FGD6: variants seen among roughly 807,000 people sequenced by gnomAD.
FGD6 encodes the protein FYVE, RhoGEF and PH domain containing 6.
In FGD6, 90 loss-of-function variants were observed where a neutral mutation model predicts 149.4. The ratio of observed to expected loss-of-function variants is 0.60; its 90% CI spans 0.51 to 0.72. FGD6 has a LOEUF of 0.72. Among genes scored for constraint, FGD6 ranks in the 30% least tolerant of loss-of-function variants. The pLI is 0.00. For synonymous variants in FGD6, 527 were observed against 584.0 expected, an observed-to-expected ratio of 0.90 and a Z score of 1.41; for missense variants, 1,437 against 1,684.8, an observed-to-expected ratio of 0.85 and a Z score of 2.57.
intron 2 of FGD6, among the ~76,000 whole-genome samples, chr12:95,197,841 CA>C (rs1466673238): frequency 9.2e-5 from 14 of 152,184 alleles, no homozygotes; most frequent in African/African-American, 3.4e-4. Context: ...TGACAGGAAT[CA>C]TATTTAACTT....
chr12:95,095,155 T>C (rs960874212), intron 14 of FGD6, among the ~76,000 whole-genome samples: 4 of 152,220 alleles, frequency 2.6e-5, no homozygotes, highest in African/African-American at 9.6e-5. Context: ...TAAAATTTTC[T>C]AGGAAGGGCA....
At chr12:95,103,960 C>T (rs1396338419) in intron 14 of FGD6, among the ~76,000 whole-genome samples, 1 of 152,220 alleles carries the variant, frequency 6.6e-6, no homozygotes, top group Admixed American at 6.5e-5. Flanking sequence ...GGAGATTACA[C>T]CTACCTCATA....
chr12:95,155,698 C>T lies in FGD6; in HGVS notation c.2587-2705G>A, dbSNP rs975402615. 2.6e-5 allele frequency among the ~76,000 whole-genome samples: 4 copies of T among 152,252 alleles called. No individual in the cohort carries two copies. In the East Asian group the frequency reaches 7.7e-4, roughly 29 times the overall value. On this transcript the variant is annotated intron_variant, in intron 3 of 20. Transcript: ENST00000343958. The stretch of plus-strand genomic sequence containing the variant: ...TCATTAGAGTGAATGAAGTCAAACA[C>T]AGGGACTACGTAAAGTGAGAGTTGG...
chr12:95,213,236 C>G (rs1322137252), intron 1 of FGD6, among the ~76,000 whole-genome samples: 1 of 152,068 alleles, frequency 6.6e-6, no homozygotes, highest in Non-Finnish European at 1.5e-5. Flanking sequence ...TTTCTGTAAC[C>G]ATTATCAAAA....
chr12:95,141,270 A>G, intron 6 of FGD6, 118 bp downstream of exon 6: 3 of 1,081,056 alleles, frequency 2.8e-6, no homozygotes, highest in Non-Finnish European at 4.0e-6. Flanking sequence ...ATAACTGCAA[A>G]GACAATATAT....
At position 95,211,254 on chromosome 12, in the gene FGD6, T is replaced by C. The variant is rs2056725720; in HGVS notation, c.30A>G (p.Pro10=). The change falls in exon 2 of 21, where the codon CCA becomes CCG. Residue 10 remains proline (P), a synonymous_variant. Coordinates refer to ENST00000343958, the MANE Select transcript of FGD6 (RefSeq NM_018351.4). MTSAAEIKK[P]PVAPKPKFVV... is the part of the protein sequence containing the mutation. ...CAAACTTGGGCTTGGGGGCCACTGGTGGCTTCTTTATCTCTAGAAAGGAAA... is the reference window on the plus strand; with the variant it reads ...CAAACTTGGGCTTGGGGGCCACTGGCGGCTTCTTTATCTCTAGAAAGGAAA... 1.9e-6 allele frequency: 3 copies of C among 1,575,664 alleles called. No homozygotes were observed. The African/African-American group carries it at 4.1e-5, about 22-fold the overall frequency.
At position 95,107,697 on chromosome 12, in the gene FGD6, T is replaced by C. The variant is rs942997803; in HGVS notation, c.3265-66A>G. On this transcript the variant is annotated intron_variant, in intron 11 of 20. Transcript: ENST00000343958. ...CAACACAACGACAATATAATTTCCTTTTCAACTTTCTTCCCTGAGAATTTT... is the reference window on the plus strand; with the variant it reads ...CAACACAACGACAATATAATTTCCTCTTCAACTTTCTTCCCTGAGAATTTT... 9 of 1,547,794 alleles carry C rather than the reference T, an allele frequency of 5.8e-6. No individual in the cohort carries two copies. The African/African-American group carries it at 1.1e-4, about 19-fold the overall frequency.
intron 14 of FGD6, chr12:95,100,579 G>A (rs750554884): frequency 1.0e-4 from 43 of 430,212 alleles, no homozygotes; most frequent in Non-Finnish European, 9.5e-5. Context: ...CTGTTCCCAC[G>A]ACTTTCTAGG....
Position 95,097,881 on chromosome 12 carries a change from G to A in FGD6, c.3498-3187C>T, listed in dbSNP as rs562981945. Among the ~76,000 whole-genome samples, 47 of 152,140 alleles carry A rather than the reference G, an allele frequency of 3.1e-4. 1 individual carries two copies. Among genetic ancestry groups the A allele is most frequent in the Non-Finnish European group, 5.6e-4 (38 of 68,028 alleles). ...TGTATTAACATATGATATGACAAAT[G>A]TAGATAAATAACATAGAAGTAGTAA... is the stretch of plus-strand genomic sequence containing the variant. On this transcript the variant is annotated intron_variant, in intron 14 of 20. Coordinates refer to ENST00000343958, the MANE Select transcript of FGD6 (RefSeq NM_018351.4).
intron 2 of FGD6, among the ~76,000 whole-genome samples, chr12:95,187,584 C>G (rs1454358024): frequency 6.8e-6 from 1 of 147,302 alleles, no homozygotes; most frequent in South Asian, 2.2e-4. Context: ...ACCTGGGAGG[C>G]GGAGGTTCCA....
At chr12:95,176,820 TTTTAA>T (rs1447542509) in intron 2 of FGD6, among the ~76,000 whole-genome samples, 3 of 152,154 alleles carry the variant, frequency 2.0e-5, no homozygotes, top group African/African-American at 7.2e-5. Context: ...TCTTTTAAAA[TTTTAA>T]TTTATTTTAT....
intron 18 of FGD6, among the ~76,000 whole-genome samples, chr12:95,088,634 T>C (rs1877952600): frequency 6.6e-6 from 1 of 152,204 alleles, no homozygotes; most frequent in African/African-American, 2.4e-5. Context: ...TGCACATGAA[T>C]ATTTCTGTCA....
At chr12:95,153,627 C>T (rs1390997688) in intron 3 of FGD6, among the ~76,000 whole-genome samples, 1 of 152,114 alleles carries the variant, frequency 6.6e-6, no homozygotes, top group Non-Finnish European at 1.5e-5. Context: ...CGCCATTGCA[C>T]TATAGCCTGG....
intron 6 of FGD6, among the ~76,000 whole-genome samples, chr12:95,138,741 A>T (rs1034008983): frequency 2.0e-5 from 3 of 152,044 alleles, no homozygotes; most frequent in Admixed American, 6.6e-5. Context: ...GAAATATAGA[A>T]CCCTGGCTGG....
In FGD6 at chr12:95,094,577, A is replaced by C. The variant is rs1008146546; in HGVS notation, c.3600+15T>G. The C allele has an allele frequency of 1.4e-5, 21 of 1,527,682 alleles. No homozygotes were observed. The highest frequency in any genetic ancestry group is 1.6e-5 in the Non-Finnish European group (18 of 1,126,784). The allele number at this position is 1,527,682 out of a possible 1,614,324, so 94.6% of individuals were successfully genotyped here. ...GAAATGCACTGGAAAAAAAAAAAAA[A>C]GGAGAAAACAATACCTCATCAAGAC... On this transcript the variant is annotated intron_variant, in intron 15 of 20. Transcript: ENST00000343958.
At chr12:95,146,613 C>T (rs1298399712) in intron 5 of FGD6, among the ~76,000 whole-genome samples, 1 of 152,154 alleles carries the variant, frequency 6.6e-6, no homozygotes, top group African/African-American at 2.4e-5. Context: ...ATCCTTACAA[C>T]AAAACCTACC....
intron 2 of FGD6, among the ~76,000 whole-genome samples, chr12:95,200,691 AGTCT>A (rs1179507407): frequency 3.3e-5 from 5 of 152,194 alleles, no homozygotes; most frequent in Non-Finnish European, 7.3e-5. Context: ...CTCCACTGAC[AGTCT>A]ATTTGGCCAC....
chr12:95,124,910 G>A (rs1052492515), intron 8 of FGD6, among the ~76,000 whole-genome samples: 8 of 151,976 alleles, frequency 5.3e-5, no homozygotes, highest in African/African-American at 1.9e-4. Context: ...CTTCAAAATC[G>A]TGGTACTTAT....
At chr12:95,113,135 T>C (rs1878887630) in intron 9 of FGD6, among the ~76,000 whole-genome samples, 1 of 151,988 alleles carries the variant, frequency 6.6e-6, no homozygotes, top group African/African-American at 2.4e-5. Flanking sequence ...GGGTCTCCCC[T>C]GCCCATATCA....
Sources: gnomAD v4.1 joint callset for allele counts (sites outside exome capture counted in the v4.1 genomes callset) on GRCh38, gnomAD v4.1.1 for gene constraint, MANE v1.5 for transcripts, NCBI Gene and HGNC (gene_info 2026-07-23, HGNC 2026-07-21) for gene names.